FDX1: variants seen among roughly 807,000 people sequenced by gnomAD.
FDX1 encodes the protein adrenodoxin, mitochondrial.
In FDX1, 9 loss-of-function variants were observed where a neutral mutation model predicts 14.9. The ratio of observed to expected loss-of-function variants is 0.60; its 90% CI spans 0.36 to 1.05. The LOEUF (loss-of-function observed/expected upper bound fraction) is 1.05. FDX1 is among the 50% of genes least tolerant of loss of function. The pLI is 0.01. For missense variants in FDX1, 204 were observed against 237.2 expected (o/e 0.86, Z 0.92); for synonymous variants, 92 against 99.4 (o/e 0.93, Z 0.44).
intron 2 of FDX1, among the ~76,000 whole-genome samples, chr11:110,440,409 C>T (rs1384806968): frequency 1.3e-5 from 2 of 152,206 alleles, no homozygotes; most frequent in African/African-American, 4.8e-5. Context: ...CTCTAAACTT[C>T]ATCTTAGCAC....
At chr11:110,455,441 ATAT>A (rs1591254138) in intron 2 of FDX1, among the ~76,000 whole-genome samples, 2 of 152,330 alleles carry the variant, frequency 1.3e-5, no homozygotes, top group East Asian at 3.9e-4. Context: ...ATTTCATATA[ATAT>A]TTAGTGACCA....
intron 2 of FDX1, 43 bp from the exon 3 acceptor site, chr11:110,456,874 CT>C: frequency 6.4e-7 from 1 of 1,563,406 alleles, no homozygotes; most frequent in Non-Finnish European, 8.7e-7. Flanking sequence ...TATGAATCGT[CT>C]GATGTAGAAG....
intron 2 of FDX1, among the ~76,000 whole-genome samples, chr11:110,456,346 A>G (rs1385964723): frequency 6.6e-6 from 1 of 152,006 alleles, no homozygotes; most frequent in East Asian, 1.9e-4. Flanking sequence ...TTAGGACTAT[A>G]TTTTCATAGG....
rs769195442 is a variant in FDX1, at chr11:110,456,910, T to C, written c.311-8T>C. ...GGGACTATGTTCAGTGTTTGTTGCT[T>C]TTGTCAGGTGCATGTGAGGGAACCC... On this transcript the variant is annotated splice_polypyrimidine_tract_variant and splice_region_variant and intron_variant, in intron 2 of 3. Transcript: ENST00000260270. 11 of 1,608,768 alleles carry C rather than the reference T, an allele frequency of 6.8e-6. No individual in the cohort carries two copies. The South Asian group carries it at 1.2e-4, about 18-fold the overall frequency.
At chr11:110,459,626 A>G (rs1946544352) in intron 3 of FDX1, among the ~76,000 whole-genome samples, 1 of 152,270 alleles carries the variant, frequency 6.6e-6, no homozygotes, top group Admixed American at 6.5e-5. Context: ...CCTAATACCC[A>G]GTATATTTTC....
At chr11:110,455,214 C>T (rs141266660) in intron 2 of FDX1, among the ~76,000 whole-genome samples, 7 of 152,070 alleles carry the variant, frequency 4.6e-5, no homozygotes, top group Non-Finnish European at 1.0e-4. Context: ...ACTACGTTAG[C>T]CAGGCTGGTC....
chr11:110,447,554 C>G (rs1398653937), intron 2 of FDX1, among the ~76,000 whole-genome samples: 2 of 152,180 alleles, frequency 1.3e-5, no homozygotes, highest in Non-Finnish European at 2.9e-5. Context: ...ATCTGCCACT[C>G]TTCCTCTTTT....
chr11:110,446,726 G>C (rs1018001146), intron 2 of FDX1, among the ~76,000 whole-genome samples: 1 of 152,044 alleles, frequency 6.6e-6, no homozygotes, highest in Admixed American at 6.5e-5. Context: ...CCCAAGATTC[G>C]CCTCCAGCAT....
intron 1 of FDX1, among the ~76,000 whole-genome samples, chr11:110,430,907 A>AACTTTC (rs1435765607): frequency 6.6e-6 from 1 of 152,226 alleles, no homozygotes; most frequent in African/African-American, 2.4e-5. Flanking sequence ...CCGGGACTTG[A>AACTTTC]AACTTGGCTT....
At chr11:110,456,136 T>G (rs1239216881) in intron 2 of FDX1, among the ~76,000 whole-genome samples, 1 of 152,222 alleles carries the variant, frequency 6.6e-6, no homozygotes, top group Non-Finnish European at 1.5e-5. Flanking sequence ...TTAAAATGAC[T>G]TGATTCTGTC....
intron 2 of FDX1, among the ~76,000 whole-genome samples, chr11:110,454,296 AG>A (rs1946507727): frequency 3.3e-5 from 5 of 152,220 alleles, no homozygotes. Flanking sequence ...GAAGCTTCCT[AG>A]GGAAGAGGGG....
At chr11:110,440,447 G>A (rs1946398228) in intron 2 of FDX1, among the ~76,000 whole-genome samples, 1 of 152,062 alleles carries the variant, frequency 6.6e-6, no homozygotes, top group Admixed American at 6.6e-5. Flanking sequence ...AGAGATTTTG[G>A]TATCTGTGTC....
At chr11:110,444,703 T>TACGTATATATATATATAC (rs1946433805) in intron 2 of FDX1, among the ~76,000 whole-genome samples, 2 of 56,082 alleles carry the variant, frequency 3.6e-5, no homozygotes, top group East Asian at 5.8e-4. Context: ...TATATATATA[T>TACGTATATATATATATAC]ACGTATATAT....
At chr11:110,453,752 C>A (rs1946502271) in intron 2 of FDX1, among the ~76,000 whole-genome samples, 1 of 152,044 alleles carries the variant, frequency 6.6e-6, no homozygotes, top group Non-Finnish European at 1.5e-5. Context: ...TTTCTTTGAG[C>A]CCTGACCATG....
chr11:110,434,339 T>C (rs11213400), intron 1 of FDX1, among the ~76,000 whole-genome samples: 35 of 110,418 alleles, frequency 3.2e-4, no homozygotes, highest in South Asian at 8.4e-4. Context: ...TATTGATTTT[T>C]TTTTTTTTTT....
Position 110,435,931 on chromosome 11 carries a change from G to A in FDX1, c.283G>A (p.Glu95Lys). ...VGDSLLDVVV[E>K]NNLDIDGFGA... The stretch of plus-strand genomic sequence containing the variant: ...TGATTCTCTGCTAGATGTTGTGGTT[G>A]AAAATAATCTAGATATTGATGGCTT... Residue 95 changes from glutamate (E) to lysine (K), a missense_variant, in exon 2 of 4, where the codon GAA (glutamate) becomes AAA (lysine). Coordinates refer to ENST00000260270, the MANE Select transcript of FDX1 (RefSeq NM_004109.5). The A allele has an allele frequency of 6.2e-7, 1 of 1,612,152 alleles. No individual in the cohort carries two copies. The highest frequency in any genetic ancestry group is 8.5e-7 in the Non-Finnish European group (1 of 1,179,180).
At chr11:110,445,173 A>G (rs1435095379) in intron 2 of FDX1, among the ~76,000 whole-genome samples, 1 of 152,184 alleles carries the variant, frequency 6.6e-6, no homozygotes, top group Non-Finnish European at 1.5e-5. Flanking sequence ...AATTGTGAAG[A>G]TGAAAATTTT....
intron 2 of FDX1, among the ~76,000 whole-genome samples, chr11:110,452,343 G>A (rs2044173): frequency 0.78 from 118,080 of 152,038 alleles, 46,849 homozygotes; most frequent in African/African-American, 0.94. Context: ...CACATATCCA[G>A]TGAAAGGACT....
chr11:110,450,269 T>G (rs1946477988), intron 2 of FDX1, among the ~76,000 whole-genome samples: 2 of 152,096 alleles, frequency 1.3e-5, no homozygotes, highest in African/African-American at 4.8e-5. Flanking sequence ...TTTGTTTTCC[T>G]GCAACTAGAT....
Sources: allele counts gnomAD v4.1 joint callset (sites outside exome capture counted in the v4.1 genomes callset), GRCh38; gene constraint gnomAD v4.1.1; transcripts MANE v1.5; gene names NCBI Gene and HGNC (gene_info 2026-07-23, HGNC 2026-07-21).